Variants in FOXN3 observed in about 807,000 individuals in gnomAD.
The protein encoded by FOXN3 is forkhead box protein N3.
Under a neutral mutation model 38.4 loss-of-function variants are expected in FOXN3, and 7 were observed. That is an observed-to-expected ratio of 0.18 (90% CI 0.10 to 0.34). The LOEUF (loss-of-function observed/expected upper bound fraction) is 0.34, where lower values mean the gene tolerates loss of function less well. FOXN3 is among the 10% of genes least tolerant of loss of function. The pLI is 1.00. For missense variants in FOXN3, 456 were observed against 613.4 expected, an observed-to-expected ratio of 0.74 and a Z score of 2.71; for synonymous variants, 230 against 242.2, an observed-to-expected ratio of 0.95 and a Z score of 0.47.
intron 4 of FOXN3, among the ~76,000 whole-genome samples, chr14:89,205,830 C>T (rs1484092859): frequency 6.6e-6 from 1 of 152,230 alleles, no homozygotes; most frequent in African/African-American, 2.4e-5. Context: ...AAAAACGCTC[C>T]CCACGACCTT....
At chr14:89,324,091 C>T (rs1230104752) in intron 3 of FOXN3, among the ~76,000 whole-genome samples, 1 of 152,122 alleles carries the variant, frequency 6.6e-6, no homozygotes, top group African/African-American at 2.4e-5. Flanking sequence ...TGTCTGTGAG[C>T]CATTCAAGAA....
intron 1 of FOXN3, among the ~76,000 whole-genome samples, chr14:89,607,807 T>C (rs906668291): frequency 1.0e-4 from 12 of 120,350 alleles, no homozygotes; most frequent in Admixed American, 2.1e-4. Context: ...GCTTCAACTA[T>C]ACATGCTATC....
At chr14:89,348,627 T>C (rs977831136) in intron 3 of FOXN3, among the ~76,000 whole-genome samples, 1 of 151,976 alleles carries the variant, frequency 6.6e-6, no homozygotes, top group African/African-American at 2.4e-5. Context: ...AGGTGAAATC[T>C]AAGCACCGCA....
chr14:89,351,618 C>T (rs778752698), intron 2 of FOXN3, among the ~76,000 whole-genome samples: 2 of 152,228 alleles, frequency 1.3e-5, no homozygotes, highest in South Asian at 2.1e-4. Flanking sequence ...TGAGGCCCCC[C>T]GGAACTGGCA....
At position 89,564,735 on chromosome 14, in the gene FOXN3, C is replaced by T. The variant is rs143912212; in HGVS notation, c.-15+54293G>A. Among the ~76,000 whole-genome samples the T allele has an allele frequency of 2.6e-5, 4 of 152,172 alleles. No homozygotes were observed. The East Asian group carries it at 7.7e-4, about 29-fold the overall frequency. On this transcript the variant is annotated intron_variant, in intron 1 of 6. Coordinates refer to the FOXN3 transcript ENST00000345097. The stretch of plus-strand genomic sequence containing the variant: ...TTATTTTGGAAACAGGATCTTGCAG[C>T]TGCAATTAGTTAAGATGAGGTCATC...
At chr14:89,239,320 G>A (rs1885073917) in intron 4 of FOXN3, among the ~76,000 whole-genome samples, 1 of 152,150 alleles carries the variant, frequency 6.6e-6, no homozygotes, top group African/African-American at 2.4e-5. Context: ...TTCGTAAGCG[G>A]GGTTTAAGAG....
intron 4 of FOXN3, among the ~76,000 whole-genome samples, chr14:89,279,905 T>C (rs556893538): frequency 6.6e-6 from 1 of 152,304 alleles, no homozygotes; most frequent in Admixed American, 6.5e-5. Context: ...TGAAGATACA[T>C]GTCTCTCTTC....
At chr14:89,286,202 G>C (rs1206499910) in intron 3 of FOXN3, among the ~76,000 whole-genome samples, 1 of 152,066 alleles carries the variant, frequency 6.6e-6, no homozygotes, top group Non-Finnish European at 1.5e-5. Flanking sequence ...GAGGGAAGAA[G>C]GGAGGGGGAG....
At chr14:89,260,330 A>C (rs1885757760) in intron 4 of FOXN3, among the ~76,000 whole-genome samples, 1 of 152,252 alleles carries the variant, frequency 6.6e-6, no homozygotes, top group African/African-American at 2.4e-5. Context: ...CCGGGCACGA[A>C]GCTGAGATCA....
rs563348364 is a variant in FOXN3 at position 89,510,039 on chromosome 14, T to C, written c.-14-97549A>G. Reference sequence around the variant, plus strand: ...TAATGGAATTCCCCCTTCCTCCCCATAGAACCCACATGGATGAGAGGCGGA... The same window carrying C: ...TAATGGAATTCCCCCTTCCTCCCCACAGAACCCACATGGATGAGAGGCGGA... On this transcript the variant is annotated intron_variant, in intron 1 of 6. Coordinates refer to the FOXN3 transcript ENST00000345097. 3.9e-4 allele frequency among the ~76,000 whole-genome samples: 60 copies of C among 152,142 alleles called. 1 individual carries two copies. Among genetic ancestry groups the C allele is most frequent in the South Asian group, 4.2e-4 (2 of 4,804 alleles).
chr14:89,462,392 T>C (rs559684063), intron 1 of FOXN3, among the ~76,000 whole-genome samples: 2 of 152,368 alleles, frequency 1.3e-5, no homozygotes, highest in East Asian at 1.9e-4. Flanking sequence ...TAAGCCACTA[T>C]TATTGGAGAA....
At chr14:89,311,563 A>G (rs1440513602) in intron 3 of FOXN3, among the ~76,000 whole-genome samples, 2 of 151,488 alleles carry the variant, frequency 1.3e-5, no homozygotes, top group Non-Finnish European at 2.9e-5. Flanking sequence ...GCAGTGGCTC[A>G]TGCCTGTAAT....
At chr14:89,420,006 A>G (rs1403656030), upstream of FOXN3, among the ~76,000 whole-genome samples, 4 of 152,126 alleles carry the variant, frequency 2.6e-5, no homozygotes, top group African/African-American at 9.7e-5. Context: ...CTCCAGTACA[A>G]AGGATATATG....
intron 3 of FOXN3, among the ~76,000 whole-genome samples, chr14:89,334,888 G>A (rs1032053159): frequency 2.6e-5 from 4 of 151,514 alleles, no homozygotes; most frequent in African/African-American, 9.7e-5. Context: ...TGCCTCAGCC[G>A]CCCCAGTAGC....
At chr14:89,428,021 G>A (rs1023622286) in intron 1 of FOXN3, among the ~76,000 whole-genome samples, 1 of 152,090 alleles carries the variant, frequency 6.6e-6, no homozygotes, top group Non-Finnish European at 1.5e-5. Context: ...GGTTTCGGTG[G>A]CTAAGTCTGC....
intron 3 of FOXN3, among the ~76,000 whole-genome samples, chr14:89,288,670 T>C (rs2010879): frequency 0.13 from 6,933 of 54,146 alleles, 999 homozygotes; most frequent in East Asian, 0.34. Context: ...GGCACTCTCT[T>C]TCTCTCTCTC....
chr14:89,558,154 CT>C (rs1176865242), intron 1 of FOXN3, among the ~76,000 whole-genome samples: 1 of 152,178 alleles, frequency 6.6e-6, no homozygotes, highest in Admixed American at 6.5e-5. Flanking sequence ...TGTGTACTTA[CT>C]GATGGGGCAC....
intron 1 of FOXN3, among the ~76,000 whole-genome samples, chr14:89,480,588 A>G (rs1350087997): frequency 2.0e-5 from 3 of 151,166 alleles, no homozygotes; most frequent in Non-Finnish European, 4.4e-5. Flanking sequence ...TTCAGAGGGA[A>G]AAAAAAAAGA....
At chr14:89,173,076 T>A (rs1001148644) in intron 5 of FOXN3, among the ~76,000 whole-genome samples, 38 of 152,146 alleles carry the variant, frequency 2.5e-4, no homozygotes, top group African/African-American at 8.9e-4. Context: ...CAATACAAGA[T>A]TGATATGTAG....
Sources: gnomAD v4.1 joint callset for allele counts (sites outside exome capture counted in the v4.1 genomes callset) on GRCh38, gnomAD v4.1.1 for gene constraint, MANE v1.5 for transcripts, NCBI Gene and HGNC (gene_info 2026-07-23, HGNC 2026-07-21) for gene names.